The following FNTB variants were observed in gnomAD, a reference collection of about 807,000 sequenced individuals.
FNTB encodes protein farnesyltransferase subunit beta.
Under a neutral mutation model 59.4 loss-of-function variants are expected in FNTB, and 27 were observed. The observed-to-expected ratio is 0.45, with a 90% confidence interval of 0.34 to 0.63. FNTB has a LOEUF of 0.63. Among genes scored for constraint, FNTB ranks in the 20% least tolerant of loss-of-function variants. The pLI is 0.02. For missense variants in FNTB, 449 were observed against 559.6 expected (o/e 0.80, Z 1.99); for synonymous variants, 230 against 220.7 (o/e 1.04, Z -0.37).
rs757618028 is a variant in FNTB at position 65,061,304 on chromosome 14, A to G, written c.1306A>G (p.Thr436Ala). The change falls in exon 12 of 12, where the codon ACC (threonine) becomes GCC (alanine). Residue 436 changes from threonine to alanine, a missense_variant. By Grantham distance (58) the Thr-to-Ala change is moderately conservative. Coordinates refer to ENST00000246166, the MANE Select transcript of FNTB (RefSeq NM_002028.4). ...GGATGAGACATCGGCAGAGCCTGCA[A>G]CCGACTAGAGGACCTGGGTCCCGGC... ...LKDETSAEPA[T>A]D The G allele has an allele frequency of 3.7e-6, 6 of 1,613,834 alleles. No individual in the cohort carries two copies. The highest frequency in any genetic ancestry group is 4.2e-6 in the Non-Finnish European group (5 of 1,180,002).
At position 64,990,530 on chromosome 14, in the gene FNTB, C is replaced by G. The variant is rs1888157091; in HGVS notation, c.144+3433C>G. On this transcript the variant is annotated intron_variant, in intron 1 of 11. Transcript: ENST00000246166. The surrounding 1 kb of genome is among the most constrained non-coding windows in gnomAD (Gnocchi z 5.2). ...CACACCTTCAGGTCTATGAGGAGTT[C>G]AGGTACCCCTGATTTACCAGCTCCA... Among the ~76,000 whole-genome samples, 1 of 152,152 alleles carries G rather than the reference C, an allele frequency of 6.6e-6. No individual in the cohort carries two copies. Among genetic ancestry groups the G allele is most frequent in the African/African-American group, 2.4e-5 (1 of 41,418 alleles).
intron 11 of FNTB, among the ~76,000 whole-genome samples, chr14:65,056,748 A>G (rs1009473466): frequency 6.6e-6 from 1 of 152,180 alleles, no homozygotes; most frequent in African/African-American, 2.4e-5. Flanking sequence ...TATCAGTTAC[A>G]TGTGTGTAGT....
intron 9 of FNTB, among the ~76,000 whole-genome samples, chr14:65,049,977 C>CAT (rs553236625): frequency 1.3e-5 from 2 of 151,886 alleles, no homozygotes; most frequent in East Asian, 3.9e-4. Flanking sequence ...AAGTATAAAA[C>CAT]ATATATATGT....
intron 8 of FNTB, among the ~76,000 whole-genome samples, chr14:65,043,720 G>A (rs1275774573): frequency 6.6e-6 from 1 of 150,892 alleles, no homozygotes; most frequent in Non-Finnish European, 1.5e-5. Flanking sequence ...TACTCGGGAG[G>A]CTGAGGCAGG....
At position 65,029,923 on chromosome 14, in the gene FNTB, G is replaced by C. The variant is rs764782528; in HGVS notation, c.605+2142G>C. On this transcript the variant is annotated intron_variant, in intron 6 of 11. Transcript: ENST00000246166. This position sits in a 1 kb window ranked among gnomAD's most constrained non-coding sequence, Gnocchi z 4.7. ...AGAGAGAGCAGGAAGACTGATCCAG[G>C]TTGAAGAAGGCTTGGATTTGGGTGA... Among the ~76,000 whole-genome samples the C allele has an allele frequency of 1.8e-4, 27 of 152,234 alleles. No homozygotes were observed. The highest frequency in any genetic ancestry group is 3.7e-4 in the Non-Finnish European group (25 of 68,046).
At chr14:65,040,708 T>C (rs1263566559) in intron 7 of FNTB, 82 bp from the exon 8 acceptor site, 2 of 1,453,076 alleles carry the variant, frequency 1.4e-6, no homozygotes, top group Admixed American at 2.1e-5. Flanking sequence ...AGTGAACTTT[T>C]TCTCTGCCAC....
Position 65,014,202 on chromosome 14 carries a change from A to G in FNTB, c.283-1423A>G, listed in dbSNP as rs1483257711. On this transcript the variant is annotated intron_variant, in intron 3 of 11. Transcript: ENST00000246166. The surrounding 1 kb of genome is among the most constrained non-coding windows in gnomAD (Gnocchi z 5.1). Reference sequence around the variant, plus strand: ...AAAGGTTAATCTTTGGACCTCATTTATATATTTTAATTTATAAAACTGGGG... The same window carrying G: ...AAAGGTTAATCTTTGGACCTCATTTGTATATTTTAATTTATAAAACTGGGG... 6.6e-6 allele frequency among the ~76,000 whole-genome samples: 1 copy of G among 152,186 alleles called. No individual in the cohort carries two copies. Among genetic ancestry groups the G allele is most frequent in the Admixed American group, 6.5e-5 (1 of 15,274 alleles).
chr14:65,015,248 G>A (rs1365938516), intron 3 of FNTB, among the ~76,000 whole-genome samples: 2 of 151,454 alleles, frequency 1.3e-5, no homozygotes, highest in South Asian at 2.1e-4. Context: ...GATTACAGGC[G>A]CACATCACTA....
chr14:65,026,204 C>G (rs1210786715), intron 4 of FNTB, among the ~76,000 whole-genome samples: 9 of 152,162 alleles, frequency 5.9e-5, no homozygotes, highest in African/African-American at 2.2e-4. Flanking sequence ...AAGGCTGTGA[C>G]CCTGCTGAGC....
intron 2 of FNTB, among the ~76,000 whole-genome samples, chr14:65,006,541 G>C (rs75105040): frequency 1.7e-3 from 262 of 152,314 alleles, no homozygotes; most frequent in African/African-American, 5.8e-3. Context: ...AGCCTCCCCA[G>C]AGGGGACAAG....
At chr14:65,022,042 CTG>C (rs1351030808) in intron 4 of FNTB, 10 of 455,924 alleles carry the variant, frequency 2.2e-5, no homozygotes, top group Non-Finnish European at 4.4e-5. Context: ...ACGTCTGACT[CTG>C]TGAGCAGCAG....
chr14:65,060,165 T>A (rs2062830020), intron 11 of FNTB, among the ~76,000 whole-genome samples: 1 of 152,016 alleles, frequency 6.6e-6, no homozygotes, highest in Non-Finnish European at 1.5e-5. Flanking sequence ...TAAATACATG[T>A]TTATTGTTTT....
intron 7 of FNTB, among the ~76,000 whole-genome samples, chr14:65,037,402 CCTTTTTTTTTTTTTTTTTTTTTT>C (rs1366585622): frequency 0.015 from 222 of 14,520 alleles, 13 homozygotes; most frequent in African/African-American, 0.041. Context: ...CACGCCGGGC[CCTTTTTTTTTTTTTTTTTTTTTT>C]TTTTTTTTTT....
At chr14:65,043,451 G>A (rs1032252129) in intron 8 of FNTB, among the ~76,000 whole-genome samples, 1 of 152,192 alleles carries the variant, frequency 6.6e-6, no homozygotes, top group African/African-American at 2.4e-5. Flanking sequence ...AGGCCTGCTA[G>A]TGACTTGCTA....
chr14:65,035,292 C>T (rs2062163654), intron 7 of FNTB, among the ~76,000 whole-genome samples: 1 of 152,296 alleles, frequency 6.6e-6, no homozygotes, highest in South Asian at 2.1e-4. Context: ...GAGGGACTAA[C>T]TGCATGCTGT....
rs2062865342 is a variant in FNTB at position 65,061,529 on chromosome 14, ATCTATCAGC to A, written c.*218_*226del. On this transcript the variant is annotated 3_prime_UTR_variant, in exon 12 of 12. Transcript: ENST00000246166. ...TCTTTCCACACCTGTCAAACCAAAA[ATCTATCAGC>A]CCACGTGGTGTGGTTGGTGAACAGT... 2.0e-5 allele frequency: 14 copies of A among 698,184 alleles called. No homozygotes were observed. Among genetic ancestry groups the A allele is most frequent in the Non-Finnish European group, 3.1e-5 (14 of 452,948 alleles). 43.2% of individuals were successfully genotyped at this position (698,184 alleles called of 1,614,324 possible).
At position 65,053,329 on chromosome 14, in the gene FNTB, G is replaced by T; in HGVS notation, c.1047G>T (p.Gly349=). Residue 349 remains glycine, a synonymous_variant, in exon 10 of 12, where the codon GGG becomes GGT. Transcript: ENST00000246166. ...ILMCCQCPAG[G]LLDKPGKSRD... ...TGTGCTGCCAGTGCCCTGCGGGGGG[G>T]CTTCTGGATAAACCTGGCAAGTGAG... 2 of 1,447,818 alleles carry T rather than the reference G, an allele frequency of 1.4e-6. No homozygotes were observed. Among genetic ancestry groups the T allele is most frequent in the South Asian group, 1.5e-5 (1 of 64,702 alleles). The allele number at this position is 1,447,818 out of a possible 1,614,324, so 89.7% of individuals were successfully genotyped here. A position where few individuals can be genotyped will look rare whatever the true frequency, so the allele number is the denominator to read the frequency against.
chr14:65,008,133 G>A (rs2061624890), intron 2 of FNTB, among the ~76,000 whole-genome samples: 2 of 152,092 alleles, frequency 1.3e-5, no homozygotes, highest in African/African-American at 2.4e-5. Flanking sequence ...ACCTTTCCTC[G>A]ATTGCTTTAT....
chr14:65,006,028 C>G, intron 2 of FNTB: 3 of 1,086,490 alleles, frequency 2.8e-6, no homozygotes, highest in Non-Finnish European at 3.9e-6. Flanking sequence ...TTCAGCCTTT[C>G]CTCCTTCATC....
Sources: gnomAD v4.1 joint callset for allele counts (sites outside exome capture counted in the v4.1 genomes callset) on GRCh38, gnomAD v4.1.1 for gene constraint, Gnocchi (gnomAD v3.1) non-coding constraint, MANE v1.5 for transcripts, NCBI Gene and HGNC (gene_info 2026-07-23, HGNC 2026-07-21) for gene names.